SLC25A33: variants seen among roughly 807,000 people sequenced by gnomAD.
SLC25A33 encodes the protein solute carrier family 25 member 33.
In SLC25A33, 15 loss-of-function variants were observed where a neutral mutation model predicts 35.5. The observed-to-expected ratio is 0.42, with a 90% CI of 0.28 to 0.65. The LOEUF (loss-of-function observed/expected upper bound fraction) is 0.65, where lower values mean the gene tolerates loss of function less well. Ranked by LOEUF, SLC25A33 falls within the 30% of genes least tolerant of loss-of-function variation. SLC25A33 has a pLI of 0.20. For missense variants in SLC25A33, 257 were observed against 398.5 expected (o/e 0.64, Z 3.02); for synonymous variants, 136 against 148.7 (o/e 0.91, Z 0.62).
At chr1:9,546,296 T>G (rs958582702) in intron 1 of SLC25A33, among the ~76,000 whole-genome samples, 5 of 149,240 alleles carry the variant, frequency 3.4e-5, no homozygotes, top group African/African-American at 1.2e-4. Context: ...GCCATTCTCC[T>G]GCTTCAGCCT....
chr1:9,583,084 A>G lies in SLC25A33; in HGVS notation c.*583A>G, dbSNP rs1039524576. On this transcript the variant is annotated 3_prime_UTR_variant, in exon 7 of 7. Coordinates refer to ENST00000302692, the MANE Select transcript of SLC25A33 (RefSeq NM_032315.3). ...TACTAAAAATACAAAAATTAGCCGG[A>G]CGTGTGCCTGTAATCCCAGCTACTT... 6.6e-6 allele frequency: 1 copy of G among 152,198 alleles called. No homozygotes were observed. The highest frequency in any genetic ancestry group is 1.5e-5 in the Non-Finnish European group (1 of 68,090). 9.4% of individuals were successfully genotyped at this position (152,198 alleles called of 1,614,324 possible).
chr1:9,557,094 C>T (rs138340912), intron 2 of SLC25A33, among the ~76,000 whole-genome samples: 2,816 of 152,210 alleles, frequency 0.019, 103 homozygotes, highest in African/African-American at 0.063. Context: ...CTACCACGCC[C>T]GGCTAATTTT....
chr1:9,580,447 CTTG>C (rs1191566768), intron 6 of SLC25A33, among the ~76,000 whole-genome samples: 27 of 152,358 alleles, frequency 1.8e-4, no homozygotes, highest in East Asian at 3.9e-4. Context: ...ATAGCCAAAA[CTTG>C]TTGTGCAGAA....
chr1:9,567,498 A>G (rs1165264691), intron 3 of SLC25A33, 137 bp downstream of exon 3: 1 of 686,882 alleles, frequency 1.5e-6, no homozygotes, highest in Non-Finnish European at 2.4e-6. Flanking sequence ...GACATAGCAA[A>G]TAGTCATTGA....
At chr1:9,580,978 G>A (rs1643738511) in intron 6 of SLC25A33, among the ~76,000 whole-genome samples, 1 of 151,918 alleles carries the variant, frequency 6.6e-6, no homozygotes, top group Non-Finnish European at 1.5e-5. Context: ...TTGACCTACT[G>A]GCCTACTTAT....
In SLC25A33 at chr1:9,578,654, A is replaced by G. The variant is rs1643696208; in HGVS notation, c.483-1300A>G. On this transcript the variant is annotated intron_variant, in intron 5 of 6. Transcript: ENST00000302692. This position sits in a 1 kb window ranked among gnomAD's most constrained non-coding sequence, Gnocchi z 4.3. Reference sequence around the variant, plus strand: ...TCTTTCTTATTATTTACTTTTTTGTAGAGATAGAGCCTCACTACATTGGCC... The same window carrying G: ...TCTTTCTTATTATTTACTTTTTTGTGGAGATAGAGCCTCACTACATTGGCC... Among the ~76,000 whole-genome samples, 1 of 152,172 alleles carries G rather than the reference A, an allele frequency of 6.6e-6. No homozygotes were observed. Among genetic ancestry groups the G allele is most frequent in the African/African-American group, 2.4e-5 (1 of 41,422 alleles).
At position 9,566,257 on chromosome 1, in the gene SLC25A33, T is replaced by C. The variant is rs147996322; in HGVS notation, c.237-1027T>C. On this transcript the variant is annotated intron_variant, in intron 2 of 6. Transcript: ENST00000302692. ...GTTTATACTGTGTTGCTCAGGCTGG[T>C]CTGGAACTCCTGGGTTCAAGTGATC... is the stretch of plus-strand genomic sequence containing the variant. Among the ~76,000 whole-genome samples the C allele has an allele frequency of 3.3e-5, 5 of 152,196 alleles. No homozygotes were observed. The East Asian group carries it at 9.7e-4, about 29-fold the overall frequency.
In SLC25A33 at chr1:9,571,128, G is replaced by A. The variant is rs996333863; in HGVS notation, c.415+770G>A. ...CAACTATGGGTTATGCAATGAGGGT[G>A]TAGGGCTTGCAGTAGAGTTTCTAGT... On this transcript the variant is annotated intron_variant, in intron 4 of 6. Coordinates refer to ENST00000302692, the MANE Select transcript of SLC25A33 (RefSeq NM_032315.3). Among the ~76,000 whole-genome samples, 11 of 152,164 alleles carry A rather than the reference G, an allele frequency of 7.2e-5. 1 individual carries two copies. The highest frequency in any genetic ancestry group is 6.5e-4 in the Admixed American group (10 of 15,274).
chr1:9,567,992 A>G (rs571760843), intron 3 of SLC25A33, among the ~76,000 whole-genome samples: 3 of 152,352 alleles, frequency 2.0e-5, no homozygotes, highest in South Asian at 2.1e-4. Context: ...CAATCTCCAC[A>G]TGCAGCTAAT....
At chr1:9,573,325 T>C (rs757063854) in intron 4 of SLC25A33, 21 bp from the exon 5 acceptor site, 6 of 1,551,842 alleles carry the variant, frequency 3.9e-6, no homozygotes, top group Non-Finnish European at 5.3e-6. Flanking sequence ...TGTTGACCTT[T>C]ACTGTTTTTT....
chr1:9,576,272 T>C (rs935937526), intron 5 of SLC25A33, among the ~76,000 whole-genome samples: 1 of 152,080 alleles, frequency 6.6e-6, no homozygotes, highest in Non-Finnish European at 1.5e-5. Flanking sequence ...TAAAGTTTGG[T>C]GGGATAAGGT....
intron 5 of SLC25A33, chr1:9,576,660 T>C: frequency 1.6e-6 from 1 of 625,376 alleles, no homozygotes; most frequent in South Asian, 1.4e-5. Flanking sequence ...CGATCAAGGG[T>C]GTTACACTGG....
chr1:9,541,226 T>A (rs546780513), intron 1 of SLC25A33, among the ~76,000 whole-genome samples: 1 of 150,412 alleles, frequency 6.6e-6, no homozygotes, highest in Non-Finnish European at 1.5e-5. Flanking sequence ...CCATCTCAGC[T>A]CACTGCAAGC....
At chr1:9,555,252 G>A (rs1282007154) in intron 2 of SLC25A33, among the ~76,000 whole-genome samples, 1 of 151,570 alleles carries the variant, frequency 6.6e-6, no homozygotes, top group African/African-American at 2.4e-5. Context: ...TGAGTAGCTG[G>A]GACTGCAGGT....
At chr1:9,558,393 T>A (rs1325957635) in intron 2 of SLC25A33, among the ~76,000 whole-genome samples, 1 of 152,236 alleles carries the variant, frequency 6.6e-6, no homozygotes, top group African/African-American at 2.4e-5. Context: ...CTTCTCTAGC[T>A]ACTGCCACTC....
chr1:9,573,616 CAG>C lies in SLC25A33; in HGVS notation c.482+205_482+206del, dbSNP rs564662991. 2.2e-3 allele frequency among the ~76,000 whole-genome samples: 340 copies of C among 152,268 alleles called. 1 individual carries two copies. The highest frequency in any genetic ancestry group is 5.2e-3 in the African/African-American group (215 of 41,542). ...AGATGAGGGCGACAGAGATGACAAA[CAG>C]GGGAAGGAGGGGATATCTCTGGTTG... is the stretch of plus-strand genomic sequence containing the variant. On this transcript the variant is annotated intron_variant, in intron 5 of 6. Coordinates refer to ENST00000302692, the MANE Select transcript of SLC25A33 (RefSeq NM_032315.3).
intron 2 of SLC25A33, among the ~76,000 whole-genome samples, chr1:9,555,110 C>CTTT (rs1172100444): frequency 1.7e-3 from 155 of 91,186 alleles, no homozygotes; most frequent in Non-Finnish European, 2.2e-3. Flanking sequence ...GCATTTAGCA[C>CTTT]TTTTTTTTTT....
chr1:9,541,440 C>T (rs1210936774), intron 1 of SLC25A33, among the ~76,000 whole-genome samples: 1 of 152,166 alleles, frequency 6.6e-6, no homozygotes, highest in Non-Finnish European at 1.5e-5. Context: ...TGAGCCACTG[C>T]GCCCGGCCAC....
rs749078641 is a variant in SLC25A33, at chr1:9,582,380, A to G, written c.845A>G (p.Glu282Gly). Reference sequence around the variant, plus strand: ...ACGGCGCGCCTGGTGTTCCGGGAAGAAGGCTACCTTGCCTTTTATAGAGGA... The same window carrying G: ...ACGGCGCGCCTGGTGTTCCGGGAAGGAGGCTACCTTGCCTTTTATAGAGGA... ...VQTARLVFREEGYLAFYRGLF... is the reference protein window; with the variant it reads ...VQTARLVFREGGYLAFYRGLF... Residue 282 changes from glutamate (E) to glycine (G), a missense_variant, in exon 7 of 7, where the codon GAA (glutamate) becomes GGA (glycine). By Grantham distance (98) the Glu-to-Gly change is moderately conservative. Transcript: ENST00000302692. This position sits in a 1 kb window ranked among gnomAD's most constrained non-coding sequence, Gnocchi z 4.0. 5 of 1,613,860 alleles carry G rather than the reference A, an allele frequency of 3.1e-6. No individual in the cohort carries two copies. The African/African-American group carries it at 5.3e-5, about 17-fold the overall frequency.
Sources: allele counts gnomAD v4.1 joint callset (sites outside exome capture counted in the v4.1 genomes callset), GRCh38; gene constraint gnomAD v4.1.1; non-coding constraint Gnocchi (gnomAD v3.1); transcripts MANE v1.5; gene names NCBI Gene and HGNC (gene_info 2026-07-23, HGNC 2026-07-21).